The following OR4N2 variants were observed in gnomAD, a reference collection of about 807,000 sequenced individuals.
The protein encoded by OR4N2 is olfactory receptor 4N2.
For missense variants in OR4N2, 307 were observed against 377.6 expected (o/e 0.81, Z 1.55); for synonymous variants, 141 against 140.4 (o/e 1.00, Z -0.03).
chr14:19,811,909 T>C (rs1879305888), intron 1 of OR4N2, among the ~76,000 whole-genome samples: 1 of 152,276 alleles, frequency 6.6e-6, no homozygotes, highest in South Asian at 2.1e-4. Flanking sequence ...ATACATGCTC[T>C]CACCACTTCT....
At chr14:19,816,109 G>A (rs537988385) in intron 1 of OR4N2, among the ~76,000 whole-genome samples, 3 of 152,354 alleles carry the variant, frequency 2.0e-5, no homozygotes, top group Admixed American at 2.0e-4. Context: ...CGGCCTTGTA[G>A]TATAGTGTGA....
intron 1 of OR4N2, among the ~76,000 whole-genome samples, chr14:19,823,706 T>C (rs1879622509): frequency 6.7e-6 from 1 of 149,484 alleles, no homozygotes; most frequent in Non-Finnish European, 1.5e-5. Flanking sequence ...AAGAACAATA[T>C]TTAAAGAGAA....
chr14:19,820,676 G>A (rs1656779831), intron 1 of OR4N2, among the ~76,000 whole-genome samples: 1 of 152,246 alleles, frequency 6.6e-6, no homozygotes, highest in African/African-American at 2.4e-5. Flanking sequence ...TGCTTTGCTG[G>A]GTTGTGGGGG....
At chr14:19,807,314 T>C (rs1466897838) in intron 1 of OR4N2, among the ~76,000 whole-genome samples, 1 of 151,584 alleles carries the variant, frequency 6.6e-6, no homozygotes, top group African/African-American at 2.4e-5. Flanking sequence ...AAAATAAAAA[T>C]AAACAAAACT....
intron 1 of OR4N2, among the ~76,000 whole-genome samples, chr14:19,827,177 C>A (rs1212388664): frequency 5.3e-5 from 8 of 152,236 alleles, no homozygotes; most frequent in African/African-American, 1.7e-4. Flanking sequence ...GGATACCAGA[C>A]CCCTAACATG....
chr14:19,825,524 CACTT>C (rs745968447), intron 1 of OR4N2, among the ~76,000 whole-genome samples: 6,177 of 147,498 alleles, frequency 0.042, 71 homozygotes, highest in South Asian at 0.13. Flanking sequence ...TGTGCTAGAG[CACTT>C]ATTTATTTAT....
At chr14:19,819,250 A>C (rs1354268783) in intron 1 of OR4N2, among the ~76,000 whole-genome samples, 1 of 152,184 alleles carries the variant, frequency 6.6e-6, no homozygotes, top group Non-Finnish European at 1.5e-5. Context: ...AGGTTGGGGA[A>C]GTTCTCCTGG....
At chr14:19,820,696 A>C (rs1043040411) in intron 1 of OR4N2, among the ~76,000 whole-genome samples, 1 of 152,254 alleles carries the variant, frequency 6.6e-6, no homozygotes, top group African/African-American at 2.4e-5. Context: ...GGCTCTGCCC[A>C]GTTCAAACTT....
rs778283039 is a variant in OR4N2 at position 19,828,321 on chromosome 14, C to T, written c.873C>T (p.Asn291=). 6.2e-7 allele frequency: 1 copy of T among 1,613,898 alleles called. No homozygotes were observed. The highest frequency in any genetic ancestry group is 8.5e-7 in the Non-Finnish European group (1 of 1,179,996). Residue 291 remains asparagine, a synonymous_variant, in exon 2 of 2, where the codon AAC becomes AAT. Transcript: ENST00000557677. ...LLNPVIYTLR[N]QEVKASMKKV... ...ATCCTGTCATTTATACCCTTCGCAA[C>T]CAGGAAGTGAAAGCTTCCATGAAAA...
At chr14:19,806,786 G>A (rs1446040649) in intron 1 of OR4N2, among the ~76,000 whole-genome samples, 3 of 152,152 alleles carry the variant, frequency 2.0e-5, no homozygotes, top group Non-Finnish European at 4.4e-5. Context: ...GGAACATATT[G>A]TAAGATCAAC....
intron 1 of OR4N2, among the ~76,000 whole-genome samples, chr14:19,810,333 A>C (rs555161317): frequency 8.1e-4 from 124 of 152,354 alleles, no homozygotes; most frequent in Admixed American, 1.4e-3. Context: ...TAAAAAGTCA[A>C]AAAATAACAT....
At position 19,824,631 on chromosome 14, in the gene OR4N2, A is replaced by C. The variant is rs557116653; in HGVS notation, c.-9-2809A>C. Among the ~76,000 whole-genome samples, 9 of 152,358 alleles carry C rather than the reference A, an allele frequency of 5.9e-5. No homozygotes were observed. In the East Asian group the frequency reaches 1.7e-3, roughly 29 times the overall value. On this transcript the variant is annotated intron_variant, in intron 1 of 1. Transcript: ENST00000557677. ...TCCACCTCTGCCACCCCTGACACAG[A>C]AAAACTAACCCTTCCTTTTCCTTCT...
chr14:19,820,905 C>T (rs1250596567), intron 1 of OR4N2, among the ~76,000 whole-genome samples: 3 of 152,242 alleles, frequency 2.0e-5, no homozygotes, highest in Non-Finnish European at 4.4e-5. Flanking sequence ...CCACTTGAAT[C>T]CCTGGCTTCA....
chr14:19,807,385 G>A (rs1295234425), intron 1 of OR4N2, among the ~76,000 whole-genome samples: 1 of 151,938 alleles, frequency 6.6e-6, no homozygotes, highest in Non-Finnish European at 1.5e-5. Flanking sequence ...AGTACAATCA[G>A]AAATAAAAAT....
At chr14:19,808,311 A>G (rs1384396490) in intron 1 of OR4N2, among the ~76,000 whole-genome samples, 1 of 152,202 alleles carries the variant, frequency 6.6e-6, no homozygotes, top group Non-Finnish European at 1.5e-5. Context: ...TTCACTGATG[A>G]TATAATTATA....
chr14:19,809,721 C>T (rs1879250793), intron 1 of OR4N2, among the ~76,000 whole-genome samples: 2 of 152,096 alleles, frequency 1.3e-5, no homozygotes, highest in Admixed American at 1.3e-4. Context: ...TCTGAACTTT[C>T]ACAAAGAGGA....
chr14:19,806,111 G>T (rs1387588054), intron 1 of OR4N2, among the ~76,000 whole-genome samples: 2 of 152,136 alleles, frequency 1.3e-5, no homozygotes, highest in Admixed American at 1.3e-4. Flanking sequence ...AGCATCTGCT[G>T]CCACAAAAAC....
At chr14:19,813,772 T>C (rs1879358690) in intron 1 of OR4N2, among the ~76,000 whole-genome samples, 1 of 152,094 alleles carries the variant, frequency 6.6e-6, no homozygotes. Context: ...TCTGAATTCC[T>C]TGGATAAGGA....
intron 1 of OR4N2, among the ~76,000 whole-genome samples, chr14:19,804,221 G>C (rs1412576943): frequency 1.3e-5 from 2 of 151,390 alleles, no homozygotes; most frequent in Non-Finnish European, 3.0e-5. Flanking sequence ...GATTTCAGTT[G>C]TTTCCTTTAT....
Sources: allele counts gnomAD v4.1 joint callset (sites outside exome capture counted in the v4.1 genomes callset), GRCh38; gene constraint gnomAD v4.1.1; transcripts MANE v1.5; gene names NCBI Gene and HGNC (gene_info 2026-07-23, HGNC 2026-07-21).